The following RFX1 variants were observed in gnomAD, a reference collection of about 807,000 sequenced individuals.
RFX1 encodes MHC class II regulatory factor RFX1.
A neutral mutation model predicts 119.6 loss-of-function variants in RFX1; 42 were observed. That is an observed-to-expected ratio of 0.35 (90% confidence interval 0.27 to 0.45). RFX1 has a LOEUF of 0.45. Among genes scored for constraint, RFX1 ranks in the 20% least tolerant of loss-of-function variants. The pLI is 1.00. For missense variants in RFX1, 1,118 were observed against 1,368.1 expected (o/e 0.82, Z 2.88); for synonymous variants, 628 against 618.5 (o/e 1.02, Z -0.23).
chr19:13,997,715 C>A (rs1486488060), intron 1 of RFX1, among the ~76,000 whole-genome samples: 2 of 152,220 alleles, frequency 1.3e-5, no homozygotes, highest in African/African-American at 4.8e-5. Flanking sequence ...ACAGAGCTGA[C>A]AGGGCCCTGG....
At chr19:13,963,791 C>T (rs1212842388) in intron 17 of RFX1, 45 bp from the exon 18 acceptor site, 5 of 1,498,716 alleles carry the variant, frequency 3.3e-6, no homozygotes, top group African/African-American at 1.4e-5. Flanking sequence ...CAGCCGCCGT[C>T]ACCCCCGCCT....
At chr19:13,963,767 G>A (rs765941889) in intron 17 of RFX1, 21 bp from the exon 18 acceptor site, 33 of 1,524,784 alleles carry the variant, frequency 2.2e-5, no homozygotes, top group Non-Finnish European at 2.8e-5. Context: ...GAGGGTGGGC[G>A]GGCGCCCGGG....
chr19:13,977,949 G>T, intron 8 of RFX1, 43 bp downstream of exon 8: 1 of 1,478,830 alleles, frequency 6.8e-7, no homozygotes, highest in Non-Finnish European at 9.4e-7. Flanking sequence ...GGAGGCTCCA[G>T]TGCAGACCTG....
At chr19:13,988,216 G>A (rs1377365232) in intron 2 of RFX1, among the ~76,000 whole-genome samples, 3 of 151,976 alleles carry the variant, frequency 2.0e-5, no homozygotes, top group Non-Finnish European at 4.4e-5. Flanking sequence ...TATTAGAGAC[G>A]GGGTTTCATC....
chr19:13,973,568 T>C (rs1389694266), intron 8 of RFX1, among the ~76,000 whole-genome samples: 1 of 152,130 alleles, frequency 6.6e-6, no homozygotes, highest in African/African-American at 2.4e-5. Flanking sequence ...GCTATAACCA[T>C]ACTACCACTG....
At position 13,972,759 on chromosome 19, in the gene RFX1, C is replaced by T. The variant is rs77079245; in HGVS notation, c.1298G>A (p.Arg433His). 67 of 1,600,388 alleles carry T rather than the reference C, an allele frequency of 4.2e-5. No homozygotes were observed. Among genetic ancestry groups the T allele is most frequent in the Non-Finnish European group, 6.8e-6 (8 of 1,172,528 alleles). Residue 433 changes from arginine to histidine, a missense_variant, in exon 9 of 21, where the codon CGT becomes CAT. This residue lies in a region of RFX1 where 338 missense variants were observed against 508.9 expected (regional missense o/e 0.66). Transcript: ENST00000254325. The stretch of plus-strand genomic sequence containing the variant: ...GGCACTTACCGTGGCTGGCGAGGCA[C>T]GGGTGGTGTGAGAGTAAGACTGGCT... The part of the protein sequence containing the change: ...SASQSYSHTT[R>H]ASPATVQWLL...
In RFX1 at chr19:13,962,469, G is replaced by T. The variant is rs1296020428; in HGVS notation, c.*226C>A. The T allele has an allele frequency of 1.3e-5, 7 of 518,922 alleles. 1 individual carries two copies. Among genetic ancestry groups the T allele is most frequent in the Non-Finnish European group, 2.4e-5 (7 of 295,890 alleles). 32.1% of individuals were successfully genotyped at this position (518,922 alleles called of 1,614,324 possible). A position where few individuals can be genotyped will look rare whatever the true frequency, so the allele number is the denominator to read the frequency against. On this transcript the variant is annotated 3_prime_UTR_variant, in exon 21 of 21. Coordinates refer to ENST00000254325, the MANE Select transcript of RFX1 (RefSeq NM_002918.5). ...CCCGCGGGGCACCTGGGCACGCGGC[G>T]GGTTCCTTAAGGCACGTCTTTTGTG... is the stretch of plus-strand genomic sequence containing the variant.
At chr19:14,001,780 C>T (rs749744448) in intron 1 of RFX1, among the ~76,000 whole-genome samples, 7 of 152,336 alleles carry the variant, frequency 4.6e-5, no homozygotes, top group Admixed American at 4.6e-4. Context: ...GCGGGCAGAT[C>T]GCCTGAAGTC....
Position 13,968,163 on chromosome 19 carries a change from A to T in RFX1, c.1732+402T>A, listed in dbSNP as rs1973963373. Among the ~76,000 whole-genome samples the T allele has an allele frequency of 6.6e-6, 1 of 152,162 alleles. No homozygotes were observed. The highest frequency in any genetic ancestry group is 2.4e-5 in the African/African-American group (1 of 41,436). ...CAGCTACTCAGGAGGCTGAGGCAGG[A>T]GAATCACTTGAACCCAGGAGGCGGA... is the stretch of plus-strand genomic sequence containing the variant. On this transcript the variant is annotated intron_variant, in intron 12 of 20. Coordinates refer to ENST00000254325, the MANE Select transcript of RFX1 (RefSeq NM_002918.5). The surrounding 1 kb of genome is among the most constrained non-coding windows in gnomAD (Gnocchi z 5.5).
At chr19:13,982,628 A>C (rs1974464165) in intron 4 of RFX1, among the ~76,000 whole-genome samples, 1 of 152,156 alleles carries the variant, frequency 6.6e-6, no homozygotes, top group South Asian at 2.1e-4. Flanking sequence ...ACATGGTGAA[A>C]TCTTGTTTCT....
intron 1 of RFX1, among the ~76,000 whole-genome samples, chr19:13,996,633 G>T (rs974867221): frequency 6.6e-6 from 1 of 152,068 alleles, no homozygotes; most frequent in Non-Finnish European, 1.5e-5. Flanking sequence ...TGGTGAGGGG[G>T]GATTGAACCC....
In RFX1 at chr19:13,969,689, T is replaced by C; in HGVS notation, c.1496+305A>G. ...AAAAAAAAAAAGTCACGTGTGAGCG[T>C]GCTGAATGCTAAAGAGAAAAATAAA... On this transcript the variant is annotated intron_variant, in intron 10 of 20. Transcript: ENST00000254325. This position sits in a 1 kb window ranked among gnomAD's most constrained non-coding sequence, Gnocchi z 4.5. 3.2e-6 allele frequency: 1 copy of C among 313,454 alleles called. No individual in the cohort carries two copies. The highest frequency in any genetic ancestry group is 5.8e-6 in the Non-Finnish European group (1 of 171,242). The allele number at this position is 313,454 out of a possible 1,614,324, so 19.4% of individuals were successfully genotyped here.
rs7247073 is a variant in RFX1 at position 13,978,343 on chromosome 19, G to C, written c.835-257C>G. ...GCCTGACGGACAGTGGAGGGGACCC[G>C]AGACAGGGTCCTGTAGTGGGCGTGA... On this transcript the variant is annotated intron_variant, in intron 7 of 20. Coordinates refer to ENST00000254325, the MANE Select transcript of RFX1 (RefSeq NM_002918.5). 7.8e-3 allele frequency among the ~76,000 whole-genome samples: 1,180 copies of C among 152,202 alleles called. 18 individuals are homozygous for C. Among genetic ancestry groups the C allele is most frequent in the African/African-American group, 0.027 (1,128 of 41,522 alleles).
chr19:13,963,502 T>G (rs759998731), intron 18 of RFX1, 36 bp downstream of exon 18: 2 of 1,553,726 alleles, frequency 1.3e-6, no homozygotes, highest in Non-Finnish European at 1.7e-6. Flanking sequence ...GGGCCTTCCC[T>G]GGTGCCGCCC....
chr19:14,002,496 GA>G (rs1975250058), intron 1 of RFX1, among the ~76,000 whole-genome samples: 1 of 151,684 alleles, frequency 6.6e-6, no homozygotes, highest in South Asian at 2.1e-4. Context: ...ACAAAAAAAA[GA>G]AAGAAAGAAA....
chr19:13,996,849 G>A (rs1485830211), intron 1 of RFX1, among the ~76,000 whole-genome samples: 1 of 148,960 alleles, frequency 6.7e-6, no homozygotes, highest in African/African-American at 2.5e-5. Context: ...TCAGCCTCCC[G>A]AGTAGCTGCG....
rs947830691 is a variant in RFX1, at chr19:13,986,109, C to A, written c.320-2514G>T. Among the ~76,000 whole-genome samples, 2 of 152,168 alleles carry A rather than the reference C, an allele frequency of 1.3e-5. No homozygotes were observed. The highest frequency in any genetic ancestry group is 4.8e-5 in the African/African-American group (2 of 41,438). ...GAGAGGGCCCCTCCTGGGAGAAACC[C>A]GAGACAGCCCCGAGTCATGTGACCG... is the stretch of plus-strand genomic sequence containing the variant. On this transcript the variant is annotated intron_variant, in intron 2 of 20. Transcript: ENST00000254325. The surrounding 1 kb of genome is among the most constrained non-coding windows in gnomAD (Gnocchi z 4.2).
Position 13,969,328 on chromosome 19 carries a change from G to A in RFX1, c.1497-434C>T, listed in dbSNP as rs763681290. On this transcript the variant is annotated intron_variant, in intron 10 of 20. Transcript: ENST00000254325. The surrounding 1 kb of genome is among the most constrained non-coding windows in gnomAD (Gnocchi z 4.5). ...TCATCGAGGTACGAGCACTGCAGAC[G>A]GACCAGAACAACTGAAATAAGTCAT... 6.8e-4 allele frequency among the ~76,000 whole-genome samples: 104 copies of A among 152,090 alleles called. No homozygotes were observed. The highest frequency in any genetic ancestry group is 1.1e-3 in the Non-Finnish European group (72 of 68,010).
chr19:13,969,019 G>GCACCCCCGTCTCTGC lies in RFX1; in HGVS notation c.1497-126_1497-125insGCAGAGACGGGGGTG. 1 of 1,114,990 alleles carries GCACCCCCGTCTCTGC rather than the reference G, an allele frequency of 9.0e-7. No individual in the cohort carries two copies. The highest frequency in any genetic ancestry group is 1.3e-6 in the Non-Finnish European group (1 of 791,850). 69.1% of individuals were successfully genotyped at this position (1,114,990 alleles called of 1,614,324 possible). A position where few individuals can be genotyped will look rare whatever the true frequency, so the allele number is the denominator to read the frequency against. On this transcript the variant is annotated intron_variant, in intron 10 of 20. Transcript: ENST00000254325. This position sits in a 1 kb window ranked among gnomAD's most constrained non-coding sequence, Gnocchi z 4.5. ...TGGATAGAGAGACGCCTGCCCTGCA[G>GCACCCCCGTCTCTGC]AGACGGGGGTGCTGCACTGAGGAGG... is the stretch of plus-strand genomic sequence containing the variant.
Sources: gnomAD v4.1 joint callset for allele counts (sites outside exome capture counted in the v4.1 genomes callset) on GRCh38, gnomAD v4.1.1 for gene constraint, gnomAD v4.1.1 regional missense constraint, Gnocchi (gnomAD v3.1) non-coding constraint, MANE v1.5 for transcripts, NCBI Gene and HGNC (gene_info 2026-07-23, HGNC 2026-07-21) for gene names.